The following MYO10 variants were observed in gnomAD, a reference collection of about 807,000 sequenced individuals.
MYO10 encodes the protein myosin X.
A neutral mutation model predicts 257.3 loss-of-function variants in MYO10; 133 were observed. The ratio of observed to expected loss-of-function variants is 0.52; its 90% CI spans 0.45 to 0.60. MYO10 has a LOEUF of 0.60. MYO10 is among the 20% of genes least tolerant of loss of function. The probability of loss-of-function intolerance (pLI) is 0.00; values close to 1 mark genes in which losing one functional copy is unlikely to be tolerated. For synonymous variants in MYO10, 1,104 were observed against 1,028.6 expected (o/e 1.07, Z -1.40); for missense variants, 2,399 against 2,635.7 (o/e 0.91, Z 1.97).
chr5:16,795,083 C>CTCCCCAGGCCCTGT (rs1330049763), intron 3 of MYO10, among the ~76,000 whole-genome samples: 4 of 151,236 alleles, frequency 2.6e-5, no homozygotes, highest in Non-Finnish European at 5.9e-5. Context: ...CCAGTCCCTG[C>CTCCCCAGGCCCTGT]TCCCCAGGCC....
At chr5:16,807,825 T>C (rs1742323097) in intron 3 of MYO10, among the ~76,000 whole-genome samples, 4 of 152,162 alleles carry the variant, frequency 2.6e-5, no homozygotes, top group Admixed American at 2.6e-4. Context: ...CCCCTCCTCA[T>C]TGTGACGCTC....
chr5:16,815,572 A>T (rs1395918295), intron 3 of MYO10: 2 of 646,638 alleles, frequency 3.1e-6, no homozygotes, highest in East Asian at 5.5e-5. Flanking sequence ...TTTATTGCAC[A>T]ACTACCAGGT....
intron 2 of MYO10, among the ~76,000 whole-genome samples, chr5:16,874,353 G>GC (rs1744536596): frequency 9.1e-6 from 1 of 109,352 alleles, no homozygotes; most frequent in Non-Finnish European, 1.9e-5. Flanking sequence ...GCGGGGGGGG[G>GC]GGGGGGTTTC....
rs370248024 is a variant in MYO10 at position 16,664,379 on chromosome 5, A to G, written c.*2313T>C. The G allele has an allele frequency of 1.3e-5, 2 of 152,338 alleles. No individual in the cohort carries two copies. The highest frequency in any genetic ancestry group is 4.1e-4 in the South Asian group (2 of 4,828). The allele number at this position is 152,338 out of a possible 1,614,324, so 9.4% of individuals were successfully genotyped here. On this transcript the variant is annotated 3_prime_UTR_variant, in exon 41 of 41. Coordinates refer to ENST00000513610, the MANE Select transcript of MYO10 (RefSeq NM_012334.3). ...TCCTGAGAGGTGAGCAGTAGAAAGA[A>G]GACTTCTGTCAAATTCTTTCTGAGC...
At chr5:16,724,857 C>T (rs1739292778) in intron 19 of MYO10, among the ~76,000 whole-genome samples, 1 of 152,118 alleles carries the variant, frequency 6.6e-6, no homozygotes. Context: ...TGAGGAAGAC[C>T]ATTCGTACTA....
intron 1 of MYO10, among the ~76,000 whole-genome samples, chr5:16,925,710 C>G (rs1024123551): frequency 6.6e-6 from 1 of 152,150 alleles, no homozygotes; most frequent in African/African-American, 2.4e-5. Flanking sequence ...CCGTGTCCGG[C>G]CTCAGTTTTC....
At chr5:16,813,573 A>G (rs1006147988) in intron 3 of MYO10, among the ~76,000 whole-genome samples, 2 of 151,060 alleles carry the variant, frequency 1.3e-5, no homozygotes, top group Non-Finnish European at 3.0e-5. Flanking sequence ...AAAACCAACA[A>G]CAACAAAAAA....
At chr5:16,785,916 G>C (rs1741566223) in intron 4 of MYO10, among the ~76,000 whole-genome samples, 1 of 152,068 alleles carries the variant, frequency 6.6e-6, no homozygotes, top group Non-Finnish European at 1.5e-5. Flanking sequence ...CCGGCAGGCA[G>C]GCAGTAACAA....
chr5:16,906,683 C>G (rs1745528752), intron 1 of MYO10, among the ~76,000 whole-genome samples: 1 of 152,180 alleles, frequency 6.6e-6, no homozygotes, highest in Non-Finnish European at 1.5e-5. Flanking sequence ...ACTGCAATCA[C>G]TAGGTTGGCC....
chr5:16,744,284 T>A (rs1286417517), intron 19 of MYO10, among the ~76,000 whole-genome samples: 1 of 152,182 alleles, frequency 6.6e-6, no homozygotes, highest in Non-Finnish European at 1.5e-5. Context: ...CTGTATCATG[T>A]CCCCATGACC....
At chr5:16,836,544 C>A (rs1019703467) in intron 2 of MYO10, among the ~76,000 whole-genome samples, 3 of 152,160 alleles carry the variant, frequency 2.0e-5, no homozygotes, top group African/African-American at 7.2e-5. Context: ...GAAAATATGA[C>A]GGACATGCAC....
At position 16,729,596 on chromosome 5, in the gene MYO10, C is replaced by A. The variant is rs193228524; in HGVS notation, c.1930-18351G>T. 6.4e-3 allele frequency among the ~76,000 whole-genome samples: 977 copies of A among 152,042 alleles called. 6 individuals are homozygous for A. The highest frequency in any genetic ancestry group is 0.022 in the African/African-American group (912 of 41,474). ...CCTCCCGGGTAGCTGGGACTACAGG[C>A]ACCACACCCGGCTAATTTTTTGTAT... is the stretch of plus-strand genomic sequence containing the variant. On this transcript the variant is annotated intron_variant, in intron 19 of 40. Transcript: ENST00000513610.
chr5:16,730,365 G>A (rs555172070), intron 19 of MYO10, among the ~76,000 whole-genome samples: 20 of 152,294 alleles, frequency 1.3e-4, no homozygotes, highest in African/African-American at 3.6e-4. Context: ...GTGACATACC[G>A]GTACAGTCTG....
At chr5:16,917,650 G>A (rs1333409721) in intron 1 of MYO10, among the ~76,000 whole-genome samples, 4 of 146,528 alleles carry the variant, frequency 2.7e-5, no homozygotes, top group Admixed American at 7.0e-5. Flanking sequence ...CTGGAACCCA[G>A]AAGCTCAAGA....
At chr5:16,744,341 C>T (rs962238012) in intron 19 of MYO10, among the ~76,000 whole-genome samples, 6 of 152,190 alleles carry the variant, frequency 3.9e-5, no homozygotes, top group African/African-American at 1.4e-4. Flanking sequence ...ACTGTCAATA[C>T]ACACACGTTA....
chr5:16,701,611 G>GC lies in MYO10; in HGVS notation c.2783dup (p.Arg929GlnfsTer45). 6.2e-7 allele frequency: 1 copy of GC among 1,612,634 alleles called. No homozygotes were observed. Among genetic ancestry groups the GC allele is most frequent in the Non-Finnish European group, 8.5e-7 (1 of 1,179,342 alleles). The stretch of plus-strand genomic sequence containing the variant: ...CCCTGCACGCTTCCTCCTCCAGCCT[G>GC]CGGAGCTCCTGGTCCCGCCGCTCCT... On this transcript the variant is annotated frameshift_variant, in exon 25 of 41. Transcript: ENST00000513610. LOFTEE classifies it high-confidence loss of function. This position sits in a 1 kb window ranked among gnomAD's most constrained non-coding sequence, Gnocchi z 8.1.
chr5:16,681,639 C>T (rs776222167), intron 31 of MYO10, 136 bp from the exon 32 acceptor site: 24 of 1,085,466 alleles, frequency 2.2e-5, no homozygotes, highest in Middle Eastern at 3.0e-4. Context: ...CACCCCAACC[C>T]GATGTAAATG....
At chr5:16,846,975 G>A (rs1743652310) in intron 2 of MYO10, among the ~76,000 whole-genome samples, 1 of 151,920 alleles carries the variant, frequency 6.6e-6, no homozygotes, top group African/African-American at 2.4e-5. Context: ...AAAATTAGCT[G>A]GGTGTGGTGG....
intron 2 of MYO10, among the ~76,000 whole-genome samples, chr5:16,874,359 G>GGGGGTGT (rs1561031407): frequency 3.5e-5 from 1 of 28,528 alleles, no homozygotes; most frequent in African/African-American, 1.3e-4. Context: ...GGGGGGGGGG[G>GGGGGTGT]TTTCTTTTCT....
Sources: gnomAD v4.1 joint callset for allele counts (sites outside exome capture counted in the v4.1 genomes callset) on GRCh38, gnomAD v4.1.1 for gene constraint, Gnocchi (gnomAD v3.1) non-coding constraint, MANE v1.5 for transcripts, NCBI Gene and HGNC (gene_info 2026-07-23, HGNC 2026-07-21) for gene names.